Variants in ALDH6A1 observed in about 807,000 individuals in gnomAD.
The protein encoded by ALDH6A1 is methylmalonate-semialdehyde/malonate-semialdehyde dehydrogenase [acylating], mitochondrial.
Under a neutral mutation model 62.6 loss-of-function variants are expected in ALDH6A1, and 43 were observed. That is an observed-to-expected ratio of 0.69 (90% CI 0.54 to 0.89). The LOEUF is 0.89. Among genes scored for constraint, ALDH6A1 ranks in the 40% least tolerant of loss-of-function variants. The pLI, the probability that ALDH6A1 is intolerant of heterozygous loss-of-function variation, is 0.00. For synonymous variants in ALDH6A1, 194 were observed against 234.2 expected, an observed-to-expected ratio of 0.83 and a Z score of 1.57; for missense variants, 551 against 661.3, an observed-to-expected ratio of 0.83 and a Z score of 1.83.
At chr14:74,061,186 C>G (rs940930371) in intron 11 of ALDH6A1, among the ~76,000 whole-genome samples, 1 of 152,126 alleles carries the variant, frequency 6.6e-6, no homozygotes, top group Non-Finnish European at 1.5e-5. Context: ...CCATGTTGGC[C>G]AGGCTGGTCT....
rs879046140 is a variant in ALDH6A1, at chr14:74,057,662, T to C, written c.*2980A>G. 7.6e-6 allele frequency: 10 copies of C among 1,323,248 alleles called. No individual in the cohort carries two copies. The highest frequency in any genetic ancestry group is 2.5e-5 in the South Asian group (2 of 79,868). The allele number at this position is 1,323,248 out of a possible 1,614,324, so 82.0% of individuals were successfully genotyped here. ...TATGAAATGATTTTTTTAAGCCAAGTTTTTCTCTTTAAGAGTTTTTAATTT... is the reference window on the plus strand; with the variant it reads ...TATGAAATGATTTTTTTAAGCCAAGCTTTTCTCTTTAAGAGTTTTTAATTT... On this transcript the variant is annotated 3_prime_UTR_variant, in exon 12 of 12. Transcript: ENST00000553458.
chr14:74,074,976 T>C lies in ALDH6A1; in HGVS notation c.90A>G (p.Ala30=), dbSNP rs763029602. 5 of 1,614,110 alleles carry C rather than the reference T, an allele frequency of 3.1e-6. No homozygotes were observed. Among genetic ancestry groups the C allele is most frequent in the South Asian group, 1.1e-5 (1 of 91,088 alleles). Residue 30 remains alanine, a synonymous_variant, in exon 2 of 12, where the codon GCA becomes GCG. Transcript: ENST00000553458. ...KVKSSPTWYS[A]SSFSSSVPTV... ...TCACCACTGAAGAAGAGAAGGAAGA[T>C]GCTGAATACCAGGTGGGACTGGATT...
At position 74,067,442 on chromosome 14, in the gene ALDH6A1, C is replaced by T. The variant is rs1230789374; in HGVS notation, c.980G>A (p.Gly327Glu). ...CTCTGGCAGCCACTTCTTGGCTTCT[C>T]CCACAAGGACTGCTGTTGAAAGAGC... ...CMALSTAVLV[G>E]EAKKWLPELV... The change falls in exon 8 of 12, where the codon GGA becomes GAA. Residue 327 changes from glycine (G) to glutamate (E), a missense_variant. Transcript: ENST00000553458. 6.2e-7 allele frequency: 1 copy of T among 1,614,136 alleles called. No homozygotes were observed. Among genetic ancestry groups the T allele is most frequent in the Non-Finnish European group, 8.5e-7 (1 of 1,180,044 alleles).
intron 1 of ALDH6A1, among the ~76,000 whole-genome samples, chr14:74,077,558 T>C (rs2060625508): frequency 6.6e-6 from 1 of 150,784 alleles, no homozygotes; most frequent in Non-Finnish European, 1.5e-5. Flanking sequence ...ACTGGGGGGG[T>C]ATCCTGGCTT....
intron 11 of ALDH6A1, among the ~76,000 whole-genome samples, chr14:74,061,925 T>A (rs1414343035): frequency 3.3e-5 from 5 of 150,746 alleles, no homozygotes; most frequent in Non-Finnish European, 7.4e-5. Flanking sequence ...AACTGGGGGG[T>A]GCAGCCAGGA....
chr14:74,057,837 A>G lies in ALDH6A1; in HGVS notation c.*2805T>C. On this transcript the variant is annotated 3_prime_UTR_variant, in exon 12 of 12. Transcript: ENST00000553458. ...TTCATCTAAGAAATAAGAAACTCTG[A>G]GCAGCAAATAGTTGGCCAGATGAGT... 9.7e-7 allele frequency: 1 copy of G among 1,035,194 alleles called. No individual in the cohort carries two copies. 64.1% of individuals were successfully genotyped at this position (1,035,194 alleles called of 1,614,324 possible). A position where few individuals can be genotyped will look rare whatever the true frequency, so the allele number is the denominator to read the frequency against.
In ALDH6A1 at chr14:74,064,647, C is replaced by G. The variant is rs749290990; in HGVS notation, c.1503+175G>C. ...TTGCTTTGAATTATTCAGGAAGAAG[C>G]AGCTTTGGCAAAATTTTGTTAACTT... On this transcript the variant is annotated intron_variant, in intron 11 of 11. Coordinates refer to ENST00000553458, the MANE Select transcript of ALDH6A1 (RefSeq NM_005589.4). 8.1e-6 allele frequency: 13 copies of G among 1,607,970 alleles called. No homozygotes were observed. The East Asian group carries it at 2.7e-4, about 33-fold the overall frequency.
chr14:74,071,686 G>A, intron 5 of ALDH6A1, 189 bp from the exon 6 acceptor site: 1 of 1,499,578 alleles, frequency 6.7e-7, no homozygotes, highest in Non-Finnish European at 9.0e-7. Context: ...ACAGCGATAT[G>A]TATATACCCA....
At chr14:74,066,948 G>T in intron 8 of ALDH6A1, 62 bp from the exon 9 acceptor site, 1 of 1,501,430 alleles carries the variant, frequency 6.7e-7, no homozygotes, top group Non-Finnish European at 9.2e-7. Context: ...TGCTGCCAGG[G>T]CTCATGCCTG....
At chr14:74,071,137 T>G (rs886597188) in intron 6 of ALDH6A1, 58 bp downstream of exon 6, 147 of 1,506,618 alleles carry the variant, frequency 9.8e-5, no homozygotes, top group Non-Finnish European at 1.3e-4. Context: ...CAACCATCAC[T>G]CAACACCTTG....
rs762998340 is a variant in ALDH6A1 at position 74,071,862 on chromosome 14, T to C, written c.427+34A>G. 6.2e-6 allele frequency: 10 copies of C among 1,606,646 alleles called. No homozygotes were observed. The Admixed American group carries it at 1.5e-4, about 24-fold the overall frequency. On this transcript the variant is annotated intron_variant, in intron 5 of 11. Coordinates refer to ENST00000553458, the MANE Select transcript of ALDH6A1 (RefSeq NM_005589.4). ...TTTGCCTCCCATCTTCCTTTGGTCC[T>C]TCCCAAAAGTCCCATAAGGGGCTCC...
At position 74,071,909 on chromosome 14, in the gene ALDH6A1, T is replaced by C. The variant is rs4899491; in HGVS notation, c.414A>G (p.Val138=). 4.8e-3 allele frequency: 7,800 copies of C among 1,614,208 alleles called. 72 individuals carry two copies. The highest frequency in any genetic ancestry group is 0.029 in the Middle Eastern group (176 of 6,062). Reference sequence around the variant, plus strand: ...CTCCCAGCTTACGAAGGCCTCGAAATACATCTCCTTCAGCATCAGCTAGGG... The same window carrying C: ...CTCCCAGCTTACGAAGGCCTCGAAACACATCTCCTTCAGCATCAGCTAGGG... ...GKTLADAEGD[V]FRGLQVVEHA... is the part of the protein sequence containing the mutation. Residue 138 remains valine, a synonymous_variant, in exon 5 of 12, where the codon GTA becomes GTG. Coordinates refer to ENST00000553458, the MANE Select transcript of ALDH6A1 (RefSeq NM_005589.4).
chr14:74,073,298 G>A (rs2060574820), intron 2 of ALDH6A1, among the ~76,000 whole-genome samples: 1 of 151,442 alleles, frequency 6.6e-6, no homozygotes, highest in Non-Finnish European at 1.5e-5. Context: ...TAGAGACGGG[G>A]TTTGGCCATA....
At chr14:74,073,727 G>A (rs985375617) in intron 2 of ALDH6A1, among the ~76,000 whole-genome samples, 6 of 151,780 alleles carry the variant, frequency 4.0e-5, no homozygotes, top group Non-Finnish European at 7.4e-5. Flanking sequence ...GACCAACCAT[G>A]GACAACATGG....
In ALDH6A1 at chr14:74,065,180, C is replaced by G. The variant is rs374824058; in HGVS notation, c.1404+1G>C. The G allele has an allele frequency of 1.2e-6, 2 of 1,614,094 alleles. No homozygotes were observed. The highest frequency in any genetic ancestry group is 3.3e-5 in the Admixed American group (2 of 60,012). On this transcript the variant is annotated splice_donor_variant, in intron 10 of 11. Coordinates refer to ENST00000553458, the MANE Select transcript of ALDH6A1 (RefSeq NM_005589.4). LOFTEE classifies it high-confidence loss of function. Reference sequence around the variant, plus strand: ...ATCTCTTAAAAATTCTGTTCACGAACCTGTCCAACATCCACCAAGTGGGCA... The same window carrying G: ...ATCTCTTAAAAATTCTGTTCACGAAGCTGTCCAACATCCACCAAGTGGGCA...
Position 74,066,754 on chromosome 14 carries a change from C to A in ALDH6A1, c.1175G>T (p.Gly392Val). The A allele has an allele frequency of 6.2e-7, 1 of 1,614,014 alleles. No homozygotes were observed. The change falls in exon 9 of 12, where the codon GGC becomes GTC. Residue 392 changes from glycine (G) to valine (V), a missense_variant. Physicochemically the swap from Gly to Val is moderately radical, Grantham distance 109. Transcript: ENST00000553458. ...LLDGRKIKVK[G>V]YENGNFVGPT... ...TCCAACAAAGTTGCCATTTTCATAGCCTTTCACTTTAATTTTTCGTCCATC... is the reference window on the plus strand; with the variant it reads ...TCCAACAAAGTTGCCATTTTCATAGACTTTCACTTTAATTTTTCGTCCATC...
intron 1 of ALDH6A1, among the ~76,000 whole-genome samples, chr14:74,082,548 C>T (rs1318110534): frequency 6.6e-6 from 1 of 151,810 alleles, no homozygotes; most frequent in African/African-American, 2.4e-5. Context: ...TACAGTCGCC[C>T]GCCACCACAC....
chr14:74,072,978 T>C (rs1210535586), intron 2 of ALDH6A1, among the ~76,000 whole-genome samples: 1 of 152,232 alleles, frequency 6.6e-6, no homozygotes, highest in Non-Finnish European at 1.5e-5. Context: ...TTTTGTATTT[T>C]GAGTAGAGAT....
intron 1 of ALDH6A1, among the ~76,000 whole-genome samples, 162 bp from the exon 2 acceptor site, chr14:74,075,179 C>T (rs2060598637): frequency 1.3e-5 from 2 of 152,084 alleles, no homozygotes; most frequent in African/African-American, 4.8e-5. Flanking sequence ...TATGACACAG[C>T]AAACTATGAA....
Sources: gnomAD v4.1 joint callset for allele counts (sites outside exome capture counted in the v4.1 genomes callset) on GRCh38, gnomAD v4.1.1 for gene constraint, MANE v1.5 for transcripts, NCBI Gene and HGNC (gene_info 2026-07-23, HGNC 2026-07-21) for gene names.